The following MAP4 variants were observed in gnomAD, a reference collection of about 807,000 sequenced individuals.
MAP4 encodes microtubule-associated protein 4.
In MAP4, 76 loss-of-function variants were observed where a neutral mutation model predicts 170.2. That is an observed-to-expected ratio of 0.45 (90% CI 0.37 to 0.54). MAP4 has a LOEUF of 0.54. Among genes scored for constraint, MAP4 ranks in the 20% least tolerant of loss-of-function variants. The pLI is 0.00. For missense variants in MAP4, 2,506 were observed against 2,748.0 expected (o/e 0.91, Z 1.97); for synonymous variants, 909 against 994.5 (o/e 0.91, Z 1.62).
At chr3:48,046,421 C>T (rs2100124601) in intron 1 of MAP4, among the ~76,000 whole-genome samples, 1 of 152,182 alleles carries the variant, frequency 6.6e-6, no homozygotes, top group South Asian at 2.1e-4. Context: ...TTTAACCAAA[C>T]CATGGTAAGT....
intron 2 of MAP4, among the ~76,000 whole-genome samples, chr3:47,995,286 T>C (rs2100094810): frequency 6.8e-6 from 1 of 147,622 alleles, no homozygotes; most frequent in Non-Finnish European, 1.5e-5. Flanking sequence ...AGTCTCGTTC[T>C]CTCGCCCAGG....
intron 1 of MAP4, among the ~76,000 whole-genome samples, chr3:48,040,414 G>A (rs961462846): frequency 4.7e-5 from 7 of 149,688 alleles, no homozygotes; most frequent in African/African-American, 1.7e-4. Flanking sequence ...GACTACAGGC[G>A]CCTGCAGCCA....
rs780870277 is a variant in MAP4 at position 47,910,304 on chromosome 3, T to G, written c.4117A>C (p.Asn1373His). ...AGAATGTGCTTCTCAGGAGAACTAT[T>G]TTTAACCTTTTTACTTTTTCCATCA... ...SNDGKSKKVKNSSPEKHILEN... is the reference protein window; with the variant it reads ...SNDGKSKKVKHSSPEKHILEN... Residue 1373 changes from asparagine to histidine, a missense_variant, in exon 9 of 21, where the codon AAT (asparagine) becomes CAT (histidine). By Grantham distance (68) the Asn-to-His change is moderately conservative. Transcript: ENST00000683076. The G allele has an allele frequency of 3.2e-5, 50 of 1,575,922 alleles. No individual in the cohort carries two copies. The African/African-American group carries it at 5.2e-4, about 16-fold the overall frequency.
At chr3:47,897,880 T>C (rs556599893) in intron 10 of MAP4, among the ~76,000 whole-genome samples, 1 of 140,056 alleles carries the variant, frequency 7.1e-6, no homozygotes, top group Non-Finnish European at 1.5e-5. Context: ...AGGTGGAGGC[T>C]GCAGTGAGCC....
intron 3 of MAP4, among the ~76,000 whole-genome samples, chr3:47,939,821 TTTG>T (rs912728833): frequency 6.6e-6 from 1 of 152,028 alleles, no homozygotes; most frequent in Non-Finnish European, 1.5e-5. Context: ...AAGTCTGTTT[TTTG>T]TTGTTGTTGT....
chr3:47,919,888 C>T (rs2100041815), intron 5 of MAP4, among the ~76,000 whole-genome samples: 2 of 151,704 alleles, frequency 1.3e-5, no homozygotes, highest in African/African-American at 4.9e-5. Flanking sequence ...CATTAGAAGA[C>T]AATTTTATTA....
chr3:48,056,892 G>A (rs2100132237), intron 1 of MAP4, among the ~76,000 whole-genome samples: 1 of 140,154 alleles, frequency 7.1e-6, no homozygotes, highest in African/African-American at 2.7e-5. Flanking sequence ...CGGGAGGTGA[G>A]GGGCGCCTCT....
chr3:48,033,695 G>A (rs1485409226), intron 1 of MAP4, among the ~76,000 whole-genome samples: 1 of 152,074 alleles, frequency 6.6e-6, no homozygotes, highest in Non-Finnish European at 1.5e-5. Flanking sequence ...CCGCCTCCGA[G>A]GTTCAAGTGA....
At chr3:48,068,850 C>T (rs1221848128) in intron 1 of MAP4, among the ~76,000 whole-genome samples, 1 of 152,192 alleles carries the variant, frequency 6.6e-6, no homozygotes, top group Non-Finnish European at 1.5e-5. Flanking sequence ...TCCACTTAGT[C>T]ATTCATACCT....
chr3:48,061,896 C>G (rs1209174103), intron 1 of MAP4, among the ~76,000 whole-genome samples: 1 of 151,504 alleles, frequency 6.6e-6, no homozygotes, highest in Non-Finnish European at 1.5e-5. Flanking sequence ...GCGCCTCCGC[C>G]CGGCCGCCAC....
rs537698086 is a variant in MAP4, at chr3:47,887,330, A to G, written c.5435-9807T>C. Among the ~76,000 whole-genome samples, 5 of 152,322 alleles carry G rather than the reference A, an allele frequency of 3.3e-5. No homozygotes were observed. In the South Asian group the frequency reaches 8.3e-4, roughly 25 times the overall value. ...CAGCCAGCCCTGCTGGCCCCGGGCAATGGGGGACTTAGCACCCGGGCCAGT... is the reference window on the plus strand; with the variant it reads ...CAGCCAGCCCTGCTGGCCCCGGGCAGTGGGGGACTTAGCACCCGGGCCAGT... On this transcript the variant is annotated intron_variant, in intron 10 of 20. Transcript: ENST00000683076.
intron 1 of MAP4, among the ~76,000 whole-genome samples, chr3:48,050,973 C>T (rs886502185): frequency 2.6e-5 from 4 of 151,340 alleles, no homozygotes; most frequent in Non-Finnish European, 5.9e-5. Flanking sequence ...TCATATATCG[C>T]GGTACAAAAA....
At chr3:47,978,848 T>C (rs938528553) in intron 2 of MAP4, among the ~76,000 whole-genome samples, 2 of 151,940 alleles carry the variant, frequency 1.3e-5, no homozygotes, top group South Asian at 2.1e-4. Flanking sequence ...TTTGTCTTCT[T>C]TGGTGACTTG....
chr3:48,081,706 G>A (rs1011527492), intron 1 of MAP4, among the ~76,000 whole-genome samples: 2 of 152,034 alleles, frequency 1.3e-5, no homozygotes, highest in African/African-American at 2.4e-5. Context: ...GGAAGTAAAC[G>A]AAGATATGTG....
Position 47,889,284 on chromosome 3 carries a change from C to T in MAP4, c.5435-11761G>A, listed in dbSNP as rs570425542. On this transcript the variant is annotated intron_variant, in intron 10 of 20. Coordinates refer to ENST00000683076, the MANE Select transcript of MAP4 (RefSeq NM_001385682.1). ...TTTTACCTAACATGAGCTGTCTAGGCTTCATATCTTTGTTTAATATGAGTT... is the reference window on the plus strand; with the variant it reads ...TTTTACCTAACATGAGCTGTCTAGGTTTCATATCTTTGTTTAATATGAGTT... Among the ~76,000 whole-genome samples the T allele has an allele frequency of 1.9e-4, 29 of 152,336 alleles. No homozygotes were observed. The East Asian group carries it at 5.4e-3, about 28-fold the overall frequency.
chr3:47,880,736 T>C (rs982188957), intron 10 of MAP4, among the ~76,000 whole-genome samples: 3 of 152,196 alleles, frequency 2.0e-5, no homozygotes, highest in African/African-American at 7.2e-5. Flanking sequence ...GTGCTGGGAT[T>C]ATAGGCACAA....
intron 1 of MAP4, among the ~76,000 whole-genome samples, chr3:48,062,547 A>G (rs1183513228): frequency 1.3e-5 from 2 of 150,600 alleles, no homozygotes; most frequent in Non-Finnish European, 3.0e-5. Flanking sequence ...ACTATGTACA[A>G]TTGTTATCTG....
intron 10 of MAP4, among the ~76,000 whole-genome samples, chr3:47,890,424 C>T (rs1322861137): frequency 6.6e-6 from 1 of 152,052 alleles, no homozygotes; most frequent in African/African-American, 2.4e-5. Context: ...ACATGAAGAA[C>T]ACAGAAAGAA....
chr3:48,034,847 T>C (rs1195539462), intron 1 of MAP4, among the ~76,000 whole-genome samples: 2 of 151,800 alleles, frequency 1.3e-5, no homozygotes, highest in Admixed American at 6.6e-5. Flanking sequence ...ACCTTGTCTC[T>C]ACAAAATATA....
Sources: gnomAD v4.1 joint callset for allele counts (sites outside exome capture counted in the v4.1 genomes callset) on GRCh38, gnomAD v4.1.1 for gene constraint, MANE v1.5 for transcripts, NCBI Gene and HGNC (gene_info 2026-07-23, HGNC 2026-07-21) for gene names.